Variants in CNTLN observed in about 807,000 individuals in gnomAD.
CNTLN encodes the protein centlein.
In CNTLN, 212 loss-of-function variants were observed where a neutral mutation model predicts 180.0. The observed-to-expected ratio is 1.18, with a 90% CI of 1.05 to 1.32. CNTLN has a LOEUF of 1.32. CNTLN is among the 40% of genes most tolerant of loss of function. The pLI, the probability that CNTLN is intolerant of heterozygous loss-of-function variation, is 0.00. For synonymous variants in CNTLN, 722 were observed against 563.1 expected (o/e 1.28, Z -3.99); for missense variants, 2,095 against 1,610.9 (o/e 1.30, Z -5.14).
At chr9:17,338,286 T>C (rs1821197681) in intron 10 of CNTLN, among the ~76,000 whole-genome samples, 1 of 148,790 alleles carries the variant, frequency 6.7e-6, no homozygotes, top group African/African-American at 2.5e-5. Context: ...TTCCTCAGCC[T>C]CCTGAGTAGC....
intron 5 of CNTLN, among the ~76,000 whole-genome samples, chr9:17,268,106 G>C (rs188508723): frequency 1.3e-5 from 2 of 152,142 alleles, no homozygotes; most frequent in Non-Finnish European, 2.9e-5. Context: ...GAGGAGGAGA[G>C]GTGCTCTGGT....
chr9:17,257,734 T>C (rs1826617670), intron 5 of CNTLN, among the ~76,000 whole-genome samples: 1 of 151,296 alleles, frequency 6.6e-6, no homozygotes, highest in South Asian at 2.1e-4. Flanking sequence ...CCAGTGATGA[T>C]GAGCATTTTT....
At chr9:17,262,422 G>A (rs1234391312) in intron 5 of CNTLN, among the ~76,000 whole-genome samples, 3 of 151,480 alleles carry the variant, frequency 2.0e-5, no homozygotes, top group Non-Finnish European at 4.4e-5. Flanking sequence ...CACATCCTTT[G>A]CAGGGACATG....
intron 5 of CNTLN, among the ~76,000 whole-genome samples, chr9:17,238,190 C>T (rs929563438): frequency 3.3e-5 from 5 of 151,974 alleles, no homozygotes; most frequent in African/African-American, 7.3e-5. Flanking sequence ...TTATAAATAC[C>T]TTCTGTTCTA....
At chr9:17,381,926 C>A (rs1169099379) in intron 13 of CNTLN, among the ~76,000 whole-genome samples, 1 of 152,104 alleles carries the variant, frequency 6.6e-6, no homozygotes, top group African/African-American at 2.4e-5. Context: ...CATACAATTT[C>A]TTGAGTTCTA....
chr9:17,255,429 G>A (rs919424774), intron 5 of CNTLN, among the ~76,000 whole-genome samples: 1 of 149,742 alleles, frequency 6.7e-6, no homozygotes, highest in Admixed American at 6.6e-5. Flanking sequence ...TGTTTTTTCT[G>A]TATCGAGTGA....
At position 17,375,774 on chromosome 9, in the gene CNTLN, C is replaced by A. The variant is rs191492624; in HGVS notation, c.1987+9057C>A. Among the ~76,000 whole-genome samples the A allele has an allele frequency of 4.0e-3, 609 of 152,244 alleles. 5 individuals are homozygous for A. Among genetic ancestry groups the A allele is most frequent in the African/African-American group, 0.014 (569 of 41,546 alleles). ...GGAGATCTTCAGATCTGCAACCTCC[C>A]TGACAGCTAGCTTAAATATGACCAG... On this transcript the variant is annotated intron_variant, in intron 13 of 25. Transcript: ENST00000380647.
At chr9:17,210,598 T>A (rs183813814) in intron 2 of CNTLN, among the ~76,000 whole-genome samples, 1 of 152,302 alleles carries the variant, frequency 6.6e-6, no homozygotes, top group South Asian at 2.1e-4. Flanking sequence ...ATGAGTCAAA[T>A]GGTATTTCTA....
intron 18 of CNTLN, among the ~76,000 whole-genome samples, chr9:17,425,548 G>A (rs1022273568): frequency 6.6e-6 from 1 of 152,146 alleles, no homozygotes; most frequent in Non-Finnish European, 1.5e-5. Context: ...ATAGATTTTG[G>A]TGCCAAGAAC....
chr9:17,299,348 CATTT>C (rs1818188027), intron 7 of CNTLN: 1 of 446,628 alleles, frequency 2.2e-6, no homozygotes, highest in Admixed American at 6.5e-5. Context: ...GTGTTATTCT[CATTT>C]AATGATAGTA....
chr9:17,339,234 C>A (rs1400994351), intron 10 of CNTLN, among the ~76,000 whole-genome samples: 1 of 152,110 alleles, frequency 6.6e-6, no homozygotes, highest in Non-Finnish European at 1.5e-5. Context: ...ACAGACTACC[C>A]ATACTGCTAA....
chr9:17,189,202 C>G (rs1036310037), intron 2 of CNTLN, among the ~76,000 whole-genome samples: 2 of 147,920 alleles, frequency 1.4e-5, no homozygotes, highest in African/African-American at 5.0e-5. Flanking sequence ...CCTGCCTCAG[C>G]TTCTGGAGTA....
At chr9:17,172,419 A>G (rs888163606) in intron 2 of CNTLN, among the ~76,000 whole-genome samples, 7 of 152,014 alleles carry the variant, frequency 4.6e-5, no homozygotes, top group Non-Finnish European at 8.8e-5. Context: ...TACCCCATCC[A>G]TCCTTTCTGT....
intron 8 of CNTLN, among the ~76,000 whole-genome samples, chr9:17,330,059 T>C (rs1820542838): frequency 6.6e-6 from 1 of 152,058 alleles, no homozygotes; most frequent in Non-Finnish European, 1.5e-5. Context: ...TGACTTCTGT[T>C]GTTAAAATGT....
chr9:17,174,309 C>T (rs1820583508), intron 2 of CNTLN, among the ~76,000 whole-genome samples: 1 of 152,132 alleles, frequency 6.6e-6, no homozygotes, highest in Non-Finnish European at 1.5e-5. Context: ...TGTGTACATA[C>T]TTTTTTGTTG....
intron 10 of CNTLN, among the ~76,000 whole-genome samples, chr9:17,339,125 A>G (rs1263718535): frequency 3.9e-5 from 6 of 152,180 alleles, no homozygotes; most frequent in African/African-American, 1.4e-4. Flanking sequence ...TCATTTCTGT[A>G]CGGCATATAG....
chr9:17,219,813 C>G (rs890503328), intron 2 of CNTLN, among the ~76,000 whole-genome samples: 2 of 152,094 alleles, frequency 1.3e-5, no homozygotes, highest in African/African-American at 4.8e-5. Flanking sequence ...AATTAAAATG[C>G]TAGCCAATGT....
chr9:17,457,459 T>C, intron 18 of CNTLN, 65 bp from the exon 19 acceptor site: 6 of 863,016 alleles, frequency 7.0e-6, no homozygotes, highest in Non-Finnish European at 9.5e-6. Context: ...ATGCTGATAA[T>C]TGTTAGATTA....
At chr9:17,267,033 T>G (rs544598981) in intron 5 of CNTLN, among the ~76,000 whole-genome samples, 1 of 152,310 alleles carries the variant, frequency 6.6e-6, no homozygotes, top group South Asian at 2.1e-4. Context: ...ATGTTGCCCA[T>G]TTACATTTAA....
Sources: allele counts gnomAD v4.1 joint callset (sites outside exome capture counted in the v4.1 genomes callset), GRCh38; gene constraint gnomAD v4.1.1; transcripts MANE v1.5; gene names NCBI Gene and HGNC (gene_info 2026-07-23, HGNC 2026-07-21).